Variants in MRPS27 observed in about 807,000 individuals in gnomAD.
MRPS27 encodes the protein mitochondrial ribosomal protein S27.
A neutral mutation model predicts 48.9 loss-of-function variants in MRPS27; 43 were observed. The ratio of observed to expected loss-of-function variants is 0.88; its 90% CI spans 0.69 to 1.13. MRPS27 has a LOEUF of 1.13. Among genes scored for constraint, MRPS27 ranks in the 50% most tolerant of loss-of-function variants. The pLI, the probability that MRPS27 is intolerant of heterozygous loss-of-function variation, is 0.00. For missense variants in MRPS27, 467 were observed against 476.3 expected (o/e 0.98, Z 0.18); for synonymous variants, 188 against 171.9 (o/e 1.09, Z -0.73).
At chr5:72,237,068 G>A (rs1748214693) in intron 5 of MRPS27, among the ~76,000 whole-genome samples, 2 of 151,686 alleles carry the variant, frequency 1.3e-5, no homozygotes, top group East Asian at 1.9e-4. Context: ...TACAGGTCTC[G>A]AACTCCTGGG....
chr5:72,308,043 T>A (rs2112082181), intron 2 of MRPS27: 1 of 152,398 alleles, frequency 6.6e-6, no homozygotes, highest in African/African-American at 2.4e-5. Context: ...GGCTGGCTGC[T>A]GAGAGCGCGG....
At chr5:72,222,080 CTAGGCTCCAG>C (rs1265096462) in intron 10 of MRPS27, among the ~76,000 whole-genome samples, 1 of 152,150 alleles carries the variant, frequency 6.6e-6, no homozygotes, top group Non-Finnish European at 1.5e-5. Context: ...GGCAGGGTGC[CTAGGCTCCAG>C]GAGGGGCCAG....
At chr5:72,268,844 T>C (rs1749164339) in intron 4 of MRPS27, among the ~76,000 whole-genome samples, 1 of 152,248 alleles carries the variant, frequency 6.6e-6, no homozygotes, top group South Asian at 2.1e-4. Flanking sequence ...ATCACTCTAA[T>C]TGATAGGGGG....
At chr5:72,273,392 A>G (rs558587826) in intron 4 of MRPS27, among the ~76,000 whole-genome samples, 8 of 152,350 alleles carry the variant, frequency 5.3e-5, no homozygotes, top group Admixed American at 1.3e-4. Flanking sequence ...AAGTACAGTC[A>G]TCCATTGCTT....
intron 4 of MRPS27, among the ~76,000 whole-genome samples, chr5:72,262,864 G>A (rs1749019643): frequency 6.6e-6 from 1 of 152,028 alleles, no homozygotes; most frequent in African/African-American, 2.4e-5. Context: ...TTGAACTCCT[G>A]GGCTCAAACG....
At chr5:72,241,758 A>G in intron 4 of MRPS27, 1 of 1,468,454 alleles carries the variant, frequency 6.8e-7, no homozygotes. Flanking sequence ...CTGCAAACAG[A>G]CTGGCTTTTG....
At chr5:72,253,702 A>T (rs1001933288) in intron 4 of MRPS27, among the ~76,000 whole-genome samples, 1 of 152,218 alleles carries the variant, frequency 6.6e-6, no homozygotes, top group African/African-American at 2.4e-5. Flanking sequence ...GGATAAGCCA[A>T]AATTATTTTA....
chr5:72,297,843 G>T, intron 2 of MRPS27, 141 bp from the exon 3 acceptor site: 1 of 422,266 alleles, frequency 2.4e-6, no homozygotes, highest in Non-Finnish European at 4.1e-6. Flanking sequence ...AAATTAAAGA[G>T]GAAAAAAGAA....
chr5:72,302,225 T>C (rs1214197546), intron 2 of MRPS27, among the ~76,000 whole-genome samples: 1 of 152,210 alleles, frequency 6.6e-6, no homozygotes, highest in Non-Finnish European at 1.5e-5. Flanking sequence ...TACAAGATTG[T>C]ATTGAGAACC....
chr5:72,226,313 G>A (rs563829230), intron 8 of MRPS27, 114 bp from the exon 9 acceptor site: 38 of 1,263,364 alleles, frequency 3.0e-5, no homozygotes, highest in Non-Finnish European at 3.8e-5. Context: ...AAATAGAGAA[G>A]GATCATTTTA....
chr5:72,306,951 A>G (rs1249221822), intron 2 of MRPS27, among the ~76,000 whole-genome samples: 1 of 152,182 alleles, frequency 6.6e-6, no homozygotes, highest in East Asian at 1.9e-4. Context: ...GTTTCTATTA[A>G]AAAGATTCAG....
intron 4 of MRPS27, among the ~76,000 whole-genome samples, chr5:72,273,261 C>T (rs964159170): frequency 1.7e-4 from 26 of 152,086 alleles, no homozygotes; most frequent in Admixed American, 5.9e-4. Flanking sequence ...GCCACTGGTC[C>T]GGGATTTTTC....
chr5:72,293,534 A>C (rs939518475), intron 4 of MRPS27, among the ~76,000 whole-genome samples: 1 of 152,186 alleles, frequency 6.6e-6, no homozygotes, highest in African/African-American at 2.4e-5. Flanking sequence ...GCCACACAAA[A>C]CTGAACATCA....
intron 4 of MRPS27, among the ~76,000 whole-genome samples, chr5:72,250,988 T>C (rs527601767): frequency 6.6e-6 from 1 of 152,320 alleles, no homozygotes; most frequent in Non-Finnish European, 1.5e-5. Context: ...AAACTCTAGA[T>C]TGATATGAAG....
At chr5:72,249,408 G>T (rs1462857754) in intron 4 of MRPS27, among the ~76,000 whole-genome samples, 1 of 152,224 alleles carries the variant, frequency 6.6e-6, no homozygotes, top group Non-Finnish European at 1.5e-5. Flanking sequence ...TTTCAGCCCC[G>T]CGTGGTGGCT....
At chr5:72,305,604 T>C (rs557307676) in intron 2 of MRPS27, among the ~76,000 whole-genome samples, 6 of 152,340 alleles carry the variant, frequency 3.9e-5, no homozygotes, top group East Asian at 1.9e-4. Flanking sequence ...ATGTGTCCTA[T>C]ACTTTGTGAT....
chr5:72,291,999 C>T (rs571202900), intron 4 of MRPS27, among the ~76,000 whole-genome samples: 100 of 152,360 alleles, frequency 6.6e-4, no homozygotes, highest in Middle Eastern at 6.8e-3. Flanking sequence ...TTAAACTATA[C>T]ATATCGTATA....
intron 6 of MRPS27, 148 bp downstream of exon 6, chr5:72,233,971 A>T: frequency 1.2e-6 from 1 of 809,300 alleles, no homozygotes. Context: ...AAAATTTTGC[A>T]TAAAAGATAA....
At chr5:72,302,735 G>A (rs933451669) in intron 2 of MRPS27, among the ~76,000 whole-genome samples, 2 of 152,214 alleles carry the variant, frequency 1.3e-5, no homozygotes, top group African/African-American at 4.8e-5. Context: ...GATCTACAGT[G>A]ATGGAGAGCT....
Sources: gnomAD v4.1 joint callset for allele counts (sites outside exome capture counted in the v4.1 genomes callset) on GRCh38, gnomAD v4.1.1 for gene constraint, MANE v1.5 for transcripts, NCBI Gene and HGNC (gene_info 2026-07-23, HGNC 2026-07-21) for gene names.